Variants in MAU2 observed in about 807,000 individuals in gnomAD.
MAU2 encodes the protein MAU2 chromatid cohesion factor homolog.
Under a neutral mutation model 89.1 loss-of-function variants are expected in MAU2, and 9 were observed. The observed-to-expected ratio is 0.10, with a 90% CI of 0.06 to 0.18. The LOEUF is 0.18. Ranked by LOEUF, MAU2 falls within the 10% of genes least tolerant of loss-of-function variation. MAU2 has a pLI of 1.00. For missense variants in MAU2, 425 were observed against 803.5 expected (o/e 0.53, Z 5.69); for synonymous variants, 357 against 343.4 (o/e 1.04, Z -0.44).
Position 19,321,013 on chromosome 19 carries a change from C to G in MAU2, c.154C>G (p.Gln52Glu). The G allele has an allele frequency of 6.2e-7, 1 of 1,611,926 alleles. No individual in the cohort carries two copies. The highest frequency in any genetic ancestry group is 8.5e-7 in the Non-Finnish European group (1 of 1,179,100). The change falls in exon 1 of 19, where the codon CAG becomes GAG. Residue 52 changes from glutamine to glutamate, a missense_variant. This residue lies in a region of MAU2 where 57 missense variants were observed against 57.5 expected (regional missense o/e 0.99). Transcript: ENST00000262815. ...AATCCGCCTGTGCGTGCACTGCCTG[C>G]AGGCCGTGTTCCCCTTCAAGCCGCC... ...PKIRLCVHCL[Q>E]AVFPFKPPQR...
chr19:19,334,224 G>A, intron 1 of MAU2: 1 of 985,014 alleles, frequency 1.0e-6, no homozygotes, highest in African/African-American at 1.7e-5. Flanking sequence ...GACGGCAGGT[G>A]CTGGCCCCGC....
At chr19:19,340,810 C>T in intron 5 of MAU2, 36 bp from the exon 6 acceptor site, 1 of 1,611,202 alleles carries the variant, frequency 6.2e-7, no homozygotes, top group Non-Finnish European at 8.5e-7. Flanking sequence ...GGCTCCTGGG[C>T]CTGCTAGGAC....
At chr19:19,326,664 C>A (rs1018206793) in intron 1 of MAU2, among the ~76,000 whole-genome samples, 2 of 85,842 alleles carry the variant, frequency 2.3e-5, no homozygotes. Flanking sequence ...CCAGACTGGG[C>A]GAAAGAGCGA....
intron 2 of MAU2, 45 bp from the exon 3 acceptor site, chr19:19,336,077 G>T: frequency 6.8e-7 from 1 of 1,467,376 alleles, no homozygotes; most frequent in South Asian, 1.1e-5. Context: ...CTTTCAAACC[G>T]ACCTTTTTCG....
chr19:19,332,587 C>T (rs541503817), intron 1 of MAU2, among the ~76,000 whole-genome samples: 27 of 96,288 alleles, frequency 2.8e-4, no homozygotes, highest in African/African-American at 7.9e-4. Flanking sequence ...CACCCACTGA[C>T]GCTAGTGGAC....
intron 3 of MAU2, 100 bp downstream of exon 3, chr19:19,336,287 C>A: frequency 2.2e-6 from 2 of 905,822 alleles, no homozygotes; most frequent in South Asian, 1.5e-5. Context: ...TGGAATCCCT[C>A]CGGCTTTTTT....
At chr19:19,324,808 T>C (rs1367869682) in intron 1 of MAU2, among the ~76,000 whole-genome samples, 1 of 152,236 alleles carries the variant, frequency 6.6e-6, no homozygotes, top group African/African-American at 2.4e-5. Flanking sequence ...TGAAAATTTT[T>C]CCAGCTTTTA....
At position 19,347,798 on chromosome 19, in the gene MAU2, G is replaced by A. The variant is rs1196374998; in HGVS notation, c.1308+432G>A. 3 of 158,518 alleles carry A rather than the reference G, an allele frequency of 1.9e-5. No individual in the cohort carries two copies. The Admixed American group carries it at 1.9e-4, about 10-fold the overall frequency. The allele number at this position is 158,518 out of a possible 1,614,324, so 9.8% of individuals were successfully genotyped here. A position where few individuals can be genotyped will look rare whatever the true frequency, so the allele number is the denominator to read the frequency against. ...GCAGTGTTGGGTGGGGATGCCCAGG[G>A]TTGCCCTCACGTGGCGCTTCTGAAC... On this transcript the variant is annotated intron_variant, in intron 13 of 18. Transcript: ENST00000262815.
chr19:19,337,434 C>T (rs914227424), intron 4 of MAU2, among the ~76,000 whole-genome samples, 169 bp downstream of exon 4: 4 of 152,264 alleles, frequency 2.6e-5, no homozygotes, highest in African/African-American at 9.6e-5. Context: ...ACACAAGCCC[C>T]TTTCAGCCTC....
chr19:19,322,912 C>T (rs928931591), intron 1 of MAU2, among the ~76,000 whole-genome samples: 10 of 152,014 alleles, frequency 6.6e-5, no homozygotes, highest in East Asian at 1.9e-4. Flanking sequence ...TATTTTGAGA[C>T]GGAGTTTCGC....
intron 16 of MAU2, 92 bp from the exon 17 acceptor site, chr19:19,354,263 G>T (rs1224626136): frequency 4.3e-6 from 4 of 923,036 alleles, no homozygotes; most frequent in Non-Finnish European, 3.5e-6. Context: ...GGTTCAGTAG[G>T]TGGGTTCCAG....
Position 19,343,950 on chromosome 19 carries a change from G to C in MAU2, c.1077+10G>C. On this transcript the variant is annotated intron_variant, in intron 10 of 18. Coordinates refer to ENST00000262815, the MANE Select transcript of MAU2 (RefSeq NM_015329.4). ...CACGGCGCTGCAGGAGGTAAGGCTG[G>C]AAGCAGGAGGGGCGGGAAGGCCCAG... 6.2e-7 allele frequency: 1 copy of C among 1,608,904 alleles called. No homozygotes were observed. The highest frequency in any genetic ancestry group is 1.3e-5 in the African/African-American group (1 of 75,038).
chr19:19,337,711 A>G (rs935283523), intron 4 of MAU2, among the ~76,000 whole-genome samples: 1 of 152,020 alleles, frequency 6.6e-6, no homozygotes, highest in Non-Finnish European at 1.5e-5. Context: ...TCAGGCCACA[A>G]ATGGCCATGT....
intron 1 of MAU2, chr19:19,329,087 A>T (rs1276760233): frequency 2.2e-6 from 1 of 456,030 alleles, no homozygotes; most frequent in Admixed American, 2.3e-5. Flanking sequence ...TTTCTCAGCA[A>T]GTGATTAAAT....
Position 19,342,532 on chromosome 19 carries a change from C to A in MAU2, c.736-3C>A, listed in dbSNP as rs756524046. 1 of 1,573,118 alleles carries A rather than the reference C, an allele frequency of 6.4e-7. No individual in the cohort carries two copies. Among genetic ancestry groups the A allele is most frequent in the South Asian group, 1.2e-5 (1 of 84,056 alleles). On this transcript the variant is annotated splice_polypyrimidine_tract_variant and splice_region_variant and intron_variant, in intron 7 of 18. Transcript: ENST00000262815. ...TGGATGCTCGGGTGTGGGTGCTGCA[C>A]AGGTGAAGAGCGTGAAGCCGTGTCT...
Position 19,355,969 on chromosome 19 carries a change from G to A in MAU2, c.*187G>A. Reference sequence around the variant, plus strand: ...TGGTAGCCGTTCCCACCTCGCAGCAGGACCCCCAGTGCAGAGGCTCACAGG... The same window carrying A: ...TGGTAGCCGTTCCCACCTCGCAGCAAGACCCCCAGTGCAGAGGCTCACAGG... On this transcript the variant is annotated 3_prime_UTR_variant, in exon 19 of 19. Coordinates refer to ENST00000262815, the MANE Select transcript of MAU2 (RefSeq NM_015329.4). 1 of 697,460 alleles carries A rather than the reference G, an allele frequency of 1.4e-6. No homozygotes were observed. The highest frequency in any genetic ancestry group is 2.6e-6 in the Non-Finnish European group (1 of 384,100). 43.2% of individuals were successfully genotyped at this position (697,460 alleles called of 1,614,324 possible). A position where few individuals can be genotyped will look rare whatever the true frequency, so the allele number is the denominator to read the frequency against.
At chr19:19,344,116 C>T (rs988592159) in intron 10 of MAU2, 176 bp downstream of exon 10, 5 of 603,630 alleles carry the variant, frequency 8.3e-6, no homozygotes, top group African/African-American at 1.9e-5. Flanking sequence ...GAATCTCATA[C>T]AAAAACCAGT....
At chr19:19,336,099 CT>C (rs541356771) in intron 2 of MAU2, 22 bp from the exon 3 acceptor site, 2 of 1,596,246 alleles carry the variant, frequency 1.3e-6, no homozygotes, top group Non-Finnish European at 1.7e-6. Flanking sequence ...AGTGTCTGTA[CT>C]TCCTTAACTG....
intron 17 of MAU2, chr19:19,354,648 G>T (rs1319678830): frequency 6.7e-6 from 4 of 598,394 alleles, no homozygotes; most frequent in Non-Finnish European, 9.1e-6. Flanking sequence ...TTGACTCGGG[G>T]TCTGGTTCAG....
Sources: allele counts gnomAD v4.1 joint callset (sites outside exome capture counted in the v4.1 genomes callset), GRCh38; gene constraint gnomAD v4.1.1; regional missense constraint gnomAD v4.1.1; transcripts MANE v1.5; gene names NCBI Gene and HGNC (gene_info 2026-07-23, HGNC 2026-07-21).